The following ADGRB1 variants were observed in gnomAD, a reference collection of about 807,000 sequenced individuals.
ADGRB1 encodes the protein brain-specific angiogenesis inhibitor 1.
ADGRB1 carries 36 observed loss-of-function variants against 175.7 expected under a neutral mutation model. The observed-to-expected ratio is 0.20, with a 90% CI of 0.16 to 0.27. The LOEUF (loss-of-function observed/expected upper bound fraction) is 0.27. ADGRB1 is among the 10% of genes least tolerant of loss of function. ADGRB1 has a pLI of 1.00. For synonymous variants in ADGRB1, 1,054 were observed against 979.4 expected (o/e 1.08, Z -1.42); for missense variants, 1,731 against 2,255.3 (o/e 0.77, Z 4.71).
chr8:142,474,291 C>G lies in ADGRB1; in HGVS notation c.785-1183C>G, dbSNP rs368298882. ...CCTGCTGTACCTGGGATCGAGCTGC[C>G]GGATCCCCAGTGTTCCCCAGTGGCA... On this transcript the variant is annotated intron_variant, in intron 2 of 30. Transcript: ENST00000517894. This position sits in a 1 kb window ranked among gnomAD's most constrained non-coding sequence, Gnocchi z 5.8. Among the ~76,000 whole-genome samples, 1 of 152,128 alleles carries G rather than the reference C, an allele frequency of 6.6e-6. No individual in the cohort carries two copies. The highest frequency in any genetic ancestry group is 1.5e-5 in the Non-Finnish European group (1 of 67,994).
intron 2 of ADGRB1, 48 bp downstream of exon 2, chr8:142,465,030 G>A: frequency 1.0e-6 from 1 of 986,038 alleles, no homozygotes; most frequent in Non-Finnish European, 1.3e-6. Context: ...TGGGCAGACA[G>A]GGGAGGCGGG....
intron 2 of ADGRB1, 42 bp from the exon 3 acceptor site, chr8:142,475,432 C>A: frequency 7.9e-7 from 1 of 1,266,910 alleles, no homozygotes; most frequent in East Asian, 2.9e-5. Flanking sequence ...AGGCCACGAG[C>A]CCCTGCCCTG....
rs947243310 is a variant in ADGRB1 at position 142,468,987 on chromosome 8, T to C, written c.784+4005T>C. On this transcript the variant is annotated intron_variant, in intron 2 of 30. Transcript: ENST00000517894. ...GCAGCAGGCACTCAGTCAGTCCAAGTTGGAGAAAACCAGGCACAGACATGT... is the reference window on the plus strand; with the variant it reads ...GCAGCAGGCACTCAGTCAGTCCAAGCTGGAGAAAACCAGGCACAGACATGT... 1.6e-4 allele frequency among the ~76,000 whole-genome samples: 25 copies of C among 152,342 alleles called. 1 individual carries two copies. The South Asian group carries it at 5.2e-3, about 32-fold the overall frequency.
chr8:142,490,642 C>T (rs1431155443), intron 16 of ADGRB1, 130 bp from the exon 17 acceptor site: 52 of 1,072,782 alleles, frequency 4.8e-5, no homozygotes, highest in African/African-American at 1.3e-4. Flanking sequence ...CCTCGCAAAA[C>T]GCAGTCTGTT....
intron 11 of ADGRB1, among the ~76,000 whole-genome samples, chr8:142,483,141 A>G (rs1451428392): frequency 1.1e-4 from 11 of 102,032 alleles, no homozygotes; most frequent in South Asian, 7.3e-4. Context: ...CACATGCTGA[A>G]CCCTGATCCT....
rs527670619 is a variant in ADGRB1 at position 142,467,764 on chromosome 8, G to A, written c.784+2782G>A. 2.3e-3 allele frequency among the ~76,000 whole-genome samples: 349 copies of A among 152,346 alleles called. 1 individual carries two copies. The highest frequency in any genetic ancestry group is 7.8e-3 in the African/African-American group (326 of 41,574). Reference sequence around the variant, plus strand: ...GTATGTCCCTGGGCCAATTCCATCAGGTCTCTCATCCCCTCAGGCCCCTCA... The same window carrying A: ...GTATGTCCCTGGGCCAATTCCATCAAGTCTCTCATCCCCTCAGGCCCCTCA... On this transcript the variant is annotated intron_variant, in intron 2 of 30. Transcript: ENST00000517894.
At chr8:142,499,435 G>A (rs938968817) in intron 17 of ADGRB1, among the ~76,000 whole-genome samples, 3 of 152,238 alleles carry the variant, frequency 2.0e-5, no homozygotes, top group Non-Finnish European at 4.4e-5. Context: ...ACCCTTGGGG[G>A]CCGGAGACTT....
chr8:142,481,682 TA>T lies in ADGRB1; in HGVS notation c.2102del (p.Tyr701SerfsTer56). On this transcript the variant is annotated frameshift_variant, in exon 11 of 31. Coordinates refer to ENST00000517894, the MANE Select transcript of ADGRB1 (RefSeq NM_001702.3). LOFTEE classifies it high-confidence loss of function. ...CATGACAGAGATTTTCCGGAGAGCG[TA>T]CTACAGCCCCACCCCTGGGGACGTA... ...RNMTEIFRRA[Y>X]YSPTPGDVQN... The T allele has an allele frequency of 6.3e-7, 1 of 1,597,050 alleles. No individual in the cohort carries two copies. Among genetic ancestry groups the T allele is most frequent in the South Asian group, 1.1e-5 (1 of 89,096 alleles).
intron 24 of ADGRB1, among the ~76,000 whole-genome samples, chr8:142,528,452 G>A (rs1844359363): frequency 6.6e-6 from 1 of 152,182 alleles, no homozygotes; most frequent in African/African-American, 2.4e-5. Context: ...GGACTCCTGA[G>A]GGGCTGGTTT....
intron 1 of ADGRB1, among the ~76,000 whole-genome samples, chr8:142,451,195 C>G (rs1305425776): frequency 6.6e-6 from 1 of 152,156 alleles, no homozygotes; most frequent in Non-Finnish European, 1.5e-5. Flanking sequence ...GCGATGCGAC[C>G]GGGAGGGCTT....
Position 142,526,522 on chromosome 8 carries a change from C to CCCCCCCCTCTG in ADGRB1, c.3313-20_3313-19insCCCCCCCTCTG. 6.5e-7 allele frequency: 1 copy of CCCCCCCCTCTG among 1,543,526 alleles called. No individual in the cohort carries two copies. The highest frequency in any genetic ancestry group is 8.8e-7 in the Non-Finnish European group (1 of 1,133,014). On this transcript the variant is annotated intron_variant, in intron 23 of 30. Coordinates refer to ENST00000517894, the MANE Select transcript of ADGRB1 (RefSeq NM_001702.3). Reference sequence around the variant, plus strand: ...ACGGCGGCCCCCACCCCCACACCCCCACCACTCTCTGCCCGGCAGGTGAAC... The same window carrying CCCCCCCCTCTG: ...ACGGCGGCCCCCACCCCCACACCCCCCCCCCCCTCTGACCACTCTCTGCCCGGCAGGTGAAC...
chr8:142,543,271 C>T lies in ADGRB1; in HGVS notation c.4414-132C>T. On this transcript the variant is annotated intron_variant, in intron 28 of 30. Coordinates refer to ENST00000517894, the MANE Select transcript of ADGRB1 (RefSeq NM_001702.3). This position sits in a 1 kb window ranked among gnomAD's most constrained non-coding sequence, Gnocchi z 4.4. ...CCTCAGTGCGCCCCCAGGCATGTCC[C>T]CTGGGTCTGGCCTGGTCCCTGAAGG... 2 of 1,240,896 alleles carry T rather than the reference C, an allele frequency of 1.6e-6. No individual in the cohort carries two copies. The highest frequency in any genetic ancestry group is 2.8e-5 in the South Asian group (2 of 72,328). 76.9% of individuals were successfully genotyped at this position (1,240,896 alleles called of 1,614,324 possible). A position where few individuals can be genotyped will look rare whatever the true frequency, so the allele number is the denominator to read the frequency against.
Position 142,489,455 on chromosome 8 carries a change from T to A in ADGRB1, c.2631+17T>A, listed in dbSNP as rs1263808522. On this transcript the variant is annotated intron_variant, in intron 16 of 30. Transcript: ENST00000517894. The stretch of plus-strand genomic sequence containing the variant: ...ATGTATAATGTGAGTGCCGTCCACG[T>A]GCACACTCTGATGCCAGCAGAAACG... 2 of 1,608,680 alleles carry A rather than the reference T, an allele frequency of 1.2e-6. No homozygotes were observed. Among genetic ancestry groups the A allele is most frequent in the Non-Finnish European group, 1.7e-6 (2 of 1,176,162 alleles).
Position 142,527,813 on chromosome 8 carries a change from A to G in ADGRB1, c.3398+1186A>G, listed in dbSNP as rs192428846. On this transcript the variant is annotated intron_variant, in intron 24 of 30. Coordinates refer to ENST00000517894, the MANE Select transcript of ADGRB1 (RefSeq NM_001702.3). ...GGTGGATGTTTTGTTTGCTTCTTAG[A>G]ATAACCATTGTGGCAGATTCTATGG... 2.0e-5 allele frequency among the ~76,000 whole-genome samples: 3 copies of G among 152,336 alleles called. No individual in the cohort carries two copies. The East Asian group carries it at 5.8e-4, about 29-fold the overall frequency.
At chr8:142,535,785 C>T (rs528995358) in intron 25 of ADGRB1, among the ~76,000 whole-genome samples, 2 of 152,034 alleles carry the variant, frequency 1.3e-5, no homozygotes, top group South Asian at 2.1e-4. Context: ...CCTGTGGGAC[C>T]GGGCACACGG....
chr8:142,539,573 A>G, intron 27 of ADGRB1, 160 bp downstream of exon 27: 2 of 895,602 alleles, frequency 2.2e-6, no homozygotes, highest in Non-Finnish European at 3.4e-6. Context: ...GACCCAGGGG[A>G]CCTGCCCTGG....
chr8:142,479,217 C>A, intron 7 of ADGRB1, 106 bp from the exon 8 acceptor site: 2 of 1,258,792 alleles, frequency 1.6e-6, no homozygotes, highest in Non-Finnish European at 2.0e-6. Context: ...TGTTTCACTG[C>A]CGCATGGCTC....
intron 17 of ADGRB1, among the ~76,000 whole-genome samples, chr8:142,505,291 G>T (rs941481725): frequency 6.6e-6 from 1 of 152,220 alleles, no homozygotes; most frequent in Non-Finnish European, 1.5e-5. Flanking sequence ...GCTTGCCGGG[G>T]GTGCAGGGCA....
rs771865427 is a variant in ADGRB1, at chr8:142,542,520, C to T, written c.4286C>T (p.Pro1429Leu). 3.0e-5 allele frequency: 45 copies of T among 1,475,630 alleles called. No individual in the cohort carries two copies. The highest frequency in any genetic ancestry group is 2.4e-4 in the South Asian group (18 of 76,362). The allele number at this position is 1,475,630 out of a possible 1,614,324, so 91.4% of individuals were successfully genotyped here. ...PPPPQQPLPP[P>L]PNLEPAPPSL... Reference sequence around the variant, plus strand: ...CCTCCCCAGCAGCCCCTGCCCCCACCGCCCAATCTGGAGCCGGCACCCCCC... The same window carrying T: ...CCTCCCCAGCAGCCCCTGCCCCCACTGCCCAATCTGGAGCCGGCACCCCCC... Residue 1429 changes from proline (P) to leucine (L), a missense_variant, in exon 28 of 31, where the codon CCG becomes CTG. Physicochemically the swap from Pro to Leu is moderately conservative, Grantham distance 98 (BLOSUM62 -3). Transcript: ENST00000517894. The surrounding 1 kb of genome is among the most constrained non-coding windows in gnomAD (Gnocchi z 6.3).
Sources: gnomAD v4.1 joint callset for allele counts (sites outside exome capture counted in the v4.1 genomes callset) on GRCh38, gnomAD v4.1.1 for gene constraint, Gnocchi (gnomAD v3.1) non-coding constraint, MANE v1.5 for transcripts, NCBI Gene and HGNC (gene_info 2026-07-23, HGNC 2026-07-21) for gene names.